CTU2: variants seen among roughly 807,000 people sequenced by gnomAD.
The protein encoded by CTU2 is cytoplasmic tRNA 2-thiolation protein 2.
Under a neutral mutation model 64.1 loss-of-function variants are expected in CTU2, and 80 were observed. The observed-to-expected ratio is 1.25, with a 90% CI of 1.04 to 1.50. The LOEUF (loss-of-function observed/expected upper bound fraction) is 1.50. CTU2 is among the 40% of genes most tolerant of loss of function. CTU2 has a pLI of 0.00. For synonymous variants in CTU2, 482 were observed against 285.3 expected (o/e 1.69, Z -6.95); for missense variants, 1,110 against 690.2 (o/e 1.61, Z -6.81).
At chr16:88,706,660 G>T (rs1371783016) in intron 1 of CTU2, 62 bp downstream of exon 1, 9 of 1,230,430 alleles carry the variant, frequency 7.3e-6, no homozygotes, top group Non-Finnish European at 8.4e-6. Flanking sequence ...CTCCTGCCCC[G>T]AAGGGTCCCG....
intron 13 of CTU2, 38 bp from the exon 14 acceptor site, chr16:88,715,010 C>T (rs200424293): frequency 1.4e-4 from 228 of 1,589,548 alleles, no homozygotes; most frequent in African/African-American, 6.8e-4. Flanking sequence ...GGGGTGCTGG[C>T]AGGTTTCTTG....
In CTU2 at chr16:88,713,298, G is replaced by T. The variant is rs201197935; in HGVS notation, c.738-14G>T. On this transcript the variant is annotated splice_polypyrimidine_tract_variant and intron_variant, in intron 7 of 14. Transcript: ENST00000453996. Reference sequence around the variant, plus strand: ...CCTGCACCCCCCAGGCCCCTGAGACGCTCTGTGCTTTAGGACCCACCTGAT... The same window carrying T: ...CCTGCACCCCCCAGGCCCCTGAGACTCTCTGTGCTTTAGGACCCACCTGAT... The T allele has an allele frequency of 6.6e-7, 1 of 1,526,076 alleles. No homozygotes were observed. The highest frequency in any genetic ancestry group is 2.6e-5 in the East Asian group (1 of 38,360). 94.5% of individuals were successfully genotyped at this position (1,526,076 alleles called of 1,614,324 possible).
chr16:88,707,688 T>G (rs1014279725), intron 2 of CTU2, among the ~76,000 whole-genome samples: 2 of 152,192 alleles, frequency 1.3e-5, no homozygotes, highest in East Asian at 1.9e-4. Context: ...TCTTGGCTTG[T>G]AGCCATTGTA....
At chr16:88,714,044 C>A in intron 9 of CTU2, 92 bp from the exon 10 acceptor site, 1 of 1,282,928 alleles carries the variant, frequency 7.8e-7, no homozygotes, top group Non-Finnish European at 1.1e-6. Context: ...GGGCCAGCAG[C>A]GTGGAACCCA....
intron 2 of CTU2, among the ~76,000 whole-genome samples, chr16:88,708,361 G>A (rs1319282958): frequency 2.6e-5 from 4 of 152,182 alleles, no homozygotes; most frequent in African/African-American, 9.7e-5. Flanking sequence ...AGAAACCTTG[G>A]CCTTCCCTGA....
chr16:88,712,768 G>C lies in CTU2; in HGVS notation c.600G>C (p.Glu200Asp), dbSNP rs1460956894. The change falls in exon 7 of 15, where the codon GAG (glutamate) becomes GAC (aspartate). Residue 200 changes from glutamate (E) to aspartate (D), a missense_variant. Physicochemically the swap from Glu to Asp is conservative, Grantham distance 45. Coordinates refer to ENST00000453996, the MANE Select transcript of CTU2 (RefSeq NM_001012759.3). The part of the protein sequence containing the change: ...AGGGPGPTQG[E>D]EQPPQPPLDP... ...GTGGTCCTGGCCCGACTCAAGGGGA[G>C]GAACAGCCACCCCAGCCCCCGCTGG... 1.2e-6 allele frequency: 2 copies of C among 1,608,344 alleles called. No homozygotes were observed. The highest frequency in any genetic ancestry group is 1.7e-6 in the Non-Finnish European group (2 of 1,178,204).
Position 88,711,997 on chromosome 16 carries a change from G to A in CTU2, c.344-277G>A, listed in dbSNP as rs966185125. 5.2e-5 allele frequency: 32 copies of A among 611,588 alleles called. No homozygotes were observed. In the East Asian group the frequency reaches 7.5e-4, roughly 14 times the overall value. The allele number at this position is 611,588 out of a possible 1,614,324, so 37.9% of individuals were successfully genotyped here. On this transcript the variant is annotated intron_variant, in intron 5 of 14. Coordinates refer to ENST00000453996, the MANE Select transcript of CTU2 (RefSeq NM_001012759.3). ...TCACGGGGTCTGGGGACAAAGAAGGGCAAGTTAAGTGCTGATGGTGAGCGG... is the reference window on the plus strand; with the variant it reads ...TCACGGGGTCTGGGGACAAAGAAGGACAAGTTAAGTGCTGATGGTGAGCGG...
chr16:88,714,398 G>A lies in CTU2; in HGVS notation c.1113G>A (p.Leu371=). ...VSTVYRTSEK[L]VKGPRDGPAA... ...CCGGCCACAGGACAAGTGAGAAGCT[G>A]GTGAAGGGCCCCCGGGATGGCCCTG... Residue 371 remains leucine, a synonymous_variant, in exon 11 of 15, where the codon CTG becomes CTA. Coordinates refer to ENST00000453996, the MANE Select transcript of CTU2 (RefSeq NM_001012759.3). The A allele has an allele frequency of 6.2e-7, 1 of 1,612,524 alleles. No individual in the cohort carries two copies. Among genetic ancestry groups the A allele is most frequent in the Admixed American group, 1.7e-5 (1 of 60,022 alleles).
intron 5 of CTU2, 114 bp from the exon 6 acceptor site, chr16:88,712,160 A>C: frequency 4.5e-6 from 4 of 879,168 alleles, no homozygotes; most frequent in African/African-American, 3.3e-5. Context: ...TCCGCCAGGA[A>C]GCACCGCCCT....
At chr16:88,711,976 G>A (rs977836601) in intron 5 of CTU2, 17 of 604,864 alleles carry the variant, frequency 2.8e-5, no homozygotes, top group African/African-American at 5.6e-5. Context: ...CCCCCATCAC[G>A]GGGTCTGGGG....
intron 4 of CTU2, 103 bp downstream of exon 4, chr16:88,710,385 C>T (rs1911220338): frequency 1.6e-6 from 2 of 1,236,962 alleles, no homozygotes; most frequent in South Asian, 2.5e-5. Flanking sequence ...GGCTAGAGAG[C>T]AGTCCACCCT....
At chr16:88,710,449 CAGG>C (rs10590935) in intron 4 of CTU2, 167 bp downstream of exon 4, 68,125 of 635,190 alleles carry the variant, frequency 0.11, 4,453 homozygotes, top group African/African-American at 0.2. Context: ...GTGCACCAAT[CAGG>C]AGCTGAGTCC....
rs745401735 is a variant in CTU2, at chr16:88,712,366, G to T, written c.436G>T (p.Val146Leu). ...GCAAGCAACTGGGTTCCCATGGCATGTGGTGGCCTTAGAGGAGGTGGGAGG... is the reference window on the plus strand; with the variant it reads ...GCAAGCAACTGGGTTCCCATGGCATTTGGTGGCCTTAGAGGAGGTGGGAGG... ...ILQATGFPWH[V>L]VALEEVFSLP... The change falls in exon 6 of 15, where the codon GTG (valine) becomes TTG (leucine). Residue 146 changes from valine (V) to leucine (L), a missense_variant. Coordinates refer to ENST00000453996, the MANE Select transcript of CTU2 (RefSeq NM_001012759.3). 13 of 1,608,916 alleles carry T rather than the reference G, an allele frequency of 8.1e-6. No individual in the cohort carries two copies. The highest frequency in any genetic ancestry group is 1.0e-5 in the Non-Finnish European group (12 of 1,177,618).
Position 88,712,759 on chromosome 16 carries a change from T to G in CTU2, c.591T>G (p.Thr197=). ...VLGAGGGPGP[T]QGEEQPPQPP... ...GGGCCGGGGGTGGTCCTGGCCCGAC[T>G]CAAGGGGAGGAACAGCCACCCCAGC... Residue 197 remains threonine, a synonymous_variant, in exon 7 of 15, where the codon ACT becomes ACG. Transcript: ENST00000453996. The G allele has an allele frequency of 6.2e-7, 1 of 1,608,454 alleles. No homozygotes were observed. The highest frequency in any genetic ancestry group is 8.5e-7 in the Non-Finnish European group (1 of 1,178,226).
At chr16:88,709,424 G>A (rs1911143614) in intron 2 of CTU2, 1 of 154,330 alleles carries the variant, frequency 6.5e-6, no homozygotes, top group African/African-American at 2.4e-5. Flanking sequence ...GGGGCCCCAG[G>A]ATACTGAGCC....
Position 88,714,651 on chromosome 16 carries a change from C to T in CTU2, c.1266C>T (p.Pro422=), listed in dbSNP as rs773899378. 1.9e-6 allele frequency: 3 copies of T among 1,612,470 alleles called. No individual in the cohort carries two copies. Among genetic ancestry groups the T allele is most frequent in the Admixed American group, 1.7e-5 (1 of 59,984 alleles). Residue 422 remains proline, a synonymous_variant, in exon 12 of 15, where the codon CCC becomes CCT. Transcript: ENST00000453996. The part of the protein sequence containing the change: ...SRLSQMQSPI[P]LTETRTPPGP... ...TCTCCCAGATGCAGTCACCCATCCC[C>T]CTGACTGAGACCCGGACACCCCCGG...
At chr16:88,708,066 G>A (rs58797132) in intron 2 of CTU2, among the ~76,000 whole-genome samples, 171 of 152,164 alleles carry the variant, frequency 1.1e-3, no homozygotes, top group African/African-American at 3.7e-3. Flanking sequence ...CACCTGCCTC[G>A]GCCTCCCAAA....
At position 88,714,219 on chromosome 16, in the gene CTU2, T is replaced by C. The variant is rs563534005; in HGVS notation, c.1089T>C (p.Thr363=). ...CCCAGTTCCCCTCCACTGTCAGCAC[T>C]GTGTACAGGTGTGGGTGTGTGTGGG... ...LQTQFPSTVS[T]VYRTSEKLVK... is the part of the protein sequence containing the mutation. The change falls in exon 10 of 15, where the codon ACT becomes ACC. Residue 363 remains threonine, a synonymous_variant. Coordinates refer to ENST00000453996, the MANE Select transcript of CTU2 (RefSeq NM_001012759.3). The C allele has an allele frequency of 6.6e-7, 1 of 1,510,560 alleles. No homozygotes were observed. Among genetic ancestry groups the C allele is most frequent in the African/African-American group, 2.0e-5 (1 of 49,626 alleles). The allele number at this position is 1,510,560 out of a possible 1,614,324, so 93.6% of individuals were successfully genotyped here. A position where few individuals can be genotyped will look rare whatever the true frequency, so the allele number is the denominator to read the frequency against.
chr16:88,707,172 G>T lies in CTU2; in HGVS notation c.105G>T (p.Gln35His). The T allele has an allele frequency of 6.2e-7, 1 of 1,613,986 alleles. No homozygotes were observed. The change falls in exon 2 of 15, where the codon CAG (glutamine) becomes CAT (histidine). Residue 35 changes from glutamine to histidine, a missense_variant. Physicochemically the swap from Gln to His is conservative, Grantham distance 24. Coordinates refer to ENST00000453996, the MANE Select transcript of CTU2 (RefSeq NM_001012759.3). ...EQKCVKCKEA[Q>H]PVVVIRAGDA... ...AGTGTGTGAAGTGCAAGGAAGCGCA[G>T]CCCGTTGTGGTGATACGAGCCGGAG...
Sources: allele counts gnomAD v4.1 joint callset (sites outside exome capture counted in the v4.1 genomes callset), GRCh38; gene constraint gnomAD v4.1.1; transcripts MANE v1.5; gene names NCBI Gene and HGNC (gene_info 2026-07-23, HGNC 2026-07-21).